The following AP3D1 variants were observed in gnomAD, a reference collection of about 807,000 sequenced individuals.
AP3D1 encodes AP-3 complex subunit delta-1.
In AP3D1, 51 loss-of-function variants were observed where a neutral mutation model predicts 147.6. That is an observed-to-expected ratio of 0.35 (90% CI 0.28 to 0.44). The LOEUF (loss-of-function observed/expected upper bound fraction) is 0.44, where lower values mean the gene tolerates loss of function less well. AP3D1 is among the 20% of genes least tolerant of loss of function. AP3D1 has a pLI of 1.00. For synonymous variants in AP3D1, 760 were observed against 663.0 expected, an observed-to-expected ratio of 1.15 and a Z score of -2.25; for missense variants, 1,421 against 1,624.2, an observed-to-expected ratio of 0.87 and a Z score of 2.15.
At chr19:2,137,260 A>G (rs1461155762) in intron 3 of AP3D1, among the ~76,000 whole-genome samples, 169 bp from the exon 4 acceptor site, 1 of 151,984 alleles carries the variant, frequency 6.6e-6, no homozygotes, top group Non-Finnish European at 1.5e-5. Context: ...TTGAAAACCA[A>G]CGCAGATTTC....
In AP3D1 at chr19:2,121,028, C is replaced by A. The variant is rs753553792; in HGVS notation, c.1315G>T (p.Ala439Ser). The change falls in exon 14 of 32, where the codon GCC becomes TCC. Residue 439 changes from alanine to serine, a missense_variant. This residue lies in a region of AP3D1 where 310 missense variants were observed against 388.1 expected (regional missense o/e 0.80). Coordinates refer to ENST00000643116, the MANE Select transcript of AP3D1 (RefSeq NM_001261826.3). The part of the protein sequence containing the change: ...EGTRHGHLIA[A>S]QMLDVAIRVK... ...CGGATGGCCACGTCCAGCATTTGGG[C>A]GGCGATGAGGTGGCCGTGCCGTGTG... is the stretch of plus-strand genomic sequence containing the variant. 1.2e-6 allele frequency: 2 copies of A among 1,612,532 alleles called. No homozygotes were observed. The highest frequency in any genetic ancestry group is 1.7e-6 in the Non-Finnish European group (2 of 1,179,974).
At chr19:2,122,945 C>G (rs1196402069) in intron 11 of AP3D1, among the ~76,000 whole-genome samples, 1 of 152,244 alleles carries the variant, frequency 6.6e-6, no homozygotes, top group Non-Finnish European at 1.5e-5. Context: ...AGGCAGGCAC[C>G]TGGGCAAGGG....
intron 1 of AP3D1, among the ~76,000 whole-genome samples, chr19:2,149,680 T>G (rs548539597): frequency 3.3e-5 from 5 of 151,710 alleles, no homozygotes; most frequent in African/African-American, 9.7e-5. Flanking sequence ...GACAGGCACA[T>G]CCCCCTGAAA....
intron 20 of AP3D1, 71 bp downstream of exon 20, chr19:2,115,146 CTG>C (rs1460163104): frequency 1.4e-6 from 2 of 1,465,168 alleles, no homozygotes; most frequent in African/African-American, 2.8e-5. Context: ...GGAGAGGCCA[CTG>C]TGCATGGCCC....
chr19:2,108,935 CCAGCTCCCAGGCCTCGGGG>C, intron 30 of AP3D1, 132 bp downstream of exon 30: 2 of 1,362,792 alleles, frequency 1.5e-6, no homozygotes, highest in Non-Finnish European at 2.0e-6. Context: ...AGCCCCCGCA[CCAGCTCCCAGGCCTCGGGG>C]CCACCAGCCA....
rs376574497 is a variant in AP3D1, at chr19:2,111,789, T to C, written c.2827A>G (p.Lys943Glu). The change falls in exon 25 of 32, where the codon AAG becomes GAG. Residue 943 changes from lysine to glutamate, a missense_variant. Physicochemically the swap from Lys to Glu is moderately conservative, Grantham distance 56 (BLOSUM62 1). Around this residue, in one of 6 missense-constraint regions of AP3D1, gnomAD observed 791 missense variants for 761.4 expected, o/e 1.04. Coordinates refer to ENST00000643116, the MANE Select transcript of AP3D1 (RefSeq NM_001261826.3). The part of the protein sequence containing the change: ...KPKKKKHRKE[K>E]EERTKGKKKS... ...TTCTTGCCTTTGGTCCGCTCCTCCTTCTCCTTCCTGTGCTTCTTCTTCTTA... is the reference window on the plus strand; with the variant it reads ...TTCTTGCCTTTGGTCCGCTCCTCCTCCTCCTTCCTGTGCTTCTTCTTCTTA... 53 of 1,613,910 alleles carry C rather than the reference T, an allele frequency of 3.3e-5. No homozygotes were observed. Among genetic ancestry groups the C allele is most frequent in the South Asian group, 1.6e-4 (15 of 91,060 alleles).
chr19:2,125,340 A>T (rs775100964), intron 9 of AP3D1, among the ~76,000 whole-genome samples: 38 of 152,178 alleles, frequency 2.5e-4, no homozygotes, highest in Admixed American at 8.5e-4. Context: ...TTTGAGAAGA[A>T]GTTTCGCTCT....
At chr19:2,155,054 C>A (rs1453003301), upstream of AP3D1, among the ~76,000 whole-genome samples, 1 of 152,012 alleles carries the variant, frequency 6.6e-6, no homozygotes, top group Admixed American at 6.6e-5. Context: ...GTGGCGAGCA[C>A]CTGTAATCCC....
At chr19:2,159,580 GGGTTTCACCATGTTAGCCAGGATGGTCTC>G (rs1347194768) in intron 1 of AP3D1, among the ~76,000 whole-genome samples, 19 of 152,034 alleles carry the variant, frequency 1.2e-4, no homozygotes, top group Admixed American at 1.3e-4. Context: ...AGTAGAGACG[GGGTTTCACCATGTTAGCCAGGATGGTCTC>G]GATCTCCTGA....
Position 2,132,319 on chromosome 19 carries a change from C to G in AP3D1, c.462+152G>C, listed in dbSNP as rs537772768. ...CAAAGCGGCCCAAGAGCCGCTCCAC[C>G]AGCTGACAGTGATTTGGTTCCCATT... On this transcript the variant is annotated intron_variant, in intron 5 of 31. Coordinates refer to ENST00000643116, the MANE Select transcript of AP3D1 (RefSeq NM_001261826.3). 212 of 631,406 alleles carry G rather than the reference C, an allele frequency of 3.4e-4. 1 individual carries two copies. In the African/African-American group the frequency reaches 3.5e-3, roughly 10 times the overall value. 39.1% of individuals were successfully genotyped at this position (631,406 alleles called of 1,614,324 possible).
chr19:2,129,792 C>A (rs1166723822), intron 6 of AP3D1, among the ~76,000 whole-genome samples: 1 of 152,246 alleles, frequency 6.6e-6, no homozygotes, highest in East Asian at 1.9e-4. Context: ...AGCTGCCCAG[C>A]CATCGGGGCT....
At chr19:2,136,925 C>T (rs2019091579) in intron 4 of AP3D1, 86 bp downstream of exon 4, 1 of 1,290,088 alleles carries the variant, frequency 7.8e-7, no homozygotes, top group East Asian at 2.5e-5. Flanking sequence ...ACCTGCTGCC[C>T]ACAGGAAGAC....
intron 1 of AP3D1, among the ~76,000 whole-genome samples, chr19:2,147,702 T>C (rs1484758702): frequency 6.6e-6 from 1 of 150,992 alleles, no homozygotes; most frequent in East Asian, 1.9e-4. Flanking sequence ...GAGACCATAC[T>C]GGCCAACATG....
At chr19:2,125,102 C>T (rs2018716520) in intron 9 of AP3D1, among the ~76,000 whole-genome samples, 1 of 152,130 alleles carries the variant, frequency 6.6e-6, no homozygotes, top group Non-Finnish European at 1.5e-5. Flanking sequence ...TCCCTGTAAC[C>T]AAATACCACC....
intron 31 of AP3D1, among the ~76,000 whole-genome samples, chr19:2,104,564 A>G (rs2018057376): frequency 6.6e-6 from 1 of 151,018 alleles, no homozygotes; most frequent in African/African-American, 2.4e-5. Flanking sequence ...ACCAATGCCA[A>G]GGCCATTGGC....
intron 4 of AP3D1, among the ~76,000 whole-genome samples, chr19:2,133,768 C>T (rs2019009051): frequency 6.6e-6 from 1 of 150,854 alleles, no homozygotes; most frequent in African/African-American, 2.4e-5. Context: ...TCCCAAAGTG[C>T]TGGGATTACA....
chr19:2,114,240 G>A lies in AP3D1; in HGVS notation c.2486C>T (p.Ser829Phe). The A allele has an allele frequency of 6.2e-7, 1 of 1,613,410 alleles. No individual in the cohort carries two copies. Among genetic ancestry groups the A allele is most frequent in the Non-Finnish European group, 8.5e-7 (1 of 1,179,832 alleles). The change falls in exon 22 of 32, where the codon TCC becomes TTC. Residue 829 changes from serine (S) to phenylalanine (F), a missense_variant. Around this residue, in one of 6 missense-constraint regions of AP3D1, gnomAD observed 791 missense variants for 761.4 expected, o/e 1.04. Transcript: ENST00000643116. ...TACCATGGGAACGTCCTTCTCAGGG[G>A]ATTTTGAGGTCTCGGTGTTTCTGTG... ...QKHRNTETSKSPEKDVPMVEK... is the reference protein window; with the variant it reads ...QKHRNTETSKFPEKDVPMVEK...
intron 1 of AP3D1, among the ~76,000 whole-genome samples, chr19:2,146,436 T>C (rs2019358248): frequency 6.6e-6 from 1 of 152,024 alleles, no homozygotes; most frequent in African/African-American, 2.4e-5. Flanking sequence ...AAACCCCGTC[T>C]CTGCTAAAAA....
chr19:2,152,308 G>A (rs1238844310), upstream of AP3D1, among the ~76,000 whole-genome samples: 2 of 152,042 alleles, frequency 1.3e-5, no homozygotes, highest in Non-Finnish European at 2.9e-5. Context: ...TTGAGAGGCC[G>A]TAAGCGGGAA....
Sources: allele counts gnomAD v4.1 joint callset (sites outside exome capture counted in the v4.1 genomes callset), GRCh38; gene constraint gnomAD v4.1.1; regional missense constraint gnomAD v4.1.1; transcripts MANE v1.5; gene names NCBI Gene and HGNC (gene_info 2026-07-23, HGNC 2026-07-21).